Variants in KIAA0040 observed in about 807,000 individuals in gnomAD.
KIAA0040 encodes KIAA0040, also known as uncharacterized protein KIAA0040.
Under a neutral mutation model 7.2 loss-of-function variants are expected in KIAA0040, and 10 were observed. That is an observed-to-expected ratio of 1.38 (90% CI 0.85 to 2.34). KIAA0040 has a LOEUF of 2.34. Ranked by LOEUF, KIAA0040 falls within the 30% of genes most tolerant of loss-of-function variation. The probability of loss-of-function intolerance (pLI) is 0.00; values close to 1 mark genes in which losing one functional copy is unlikely to be tolerated. For synonymous variants in KIAA0040, 49 were observed against 40.1 expected, an observed-to-expected ratio of 1.22 and a Z score of -0.84; for missense variants, 89 against 108.2, an observed-to-expected ratio of 0.82 and a Z score of 0.79.
Position 175,160,504 on chromosome 1 carries a change from A to G in KIAA0040, c.*210T>C, listed in dbSNP as rs1676485309. On this transcript the variant is annotated 3_prime_UTR_variant, in exon 4 of 4. Transcript: ENST00000423313. ...GCAGTAAGGAGCATTGCTATTGGAC[A>G]CATAGCTGCCAAGACAGTATCCAAG... 1 of 572,882 alleles carries G rather than the reference A, an allele frequency of 1.7e-6. No individual in the cohort carries two copies. Among genetic ancestry groups the G allele is most frequent in the Non-Finnish European group, 3.1e-6 (1 of 324,338 alleles). The allele number at this position is 572,882 out of a possible 1,614,324, so 35.5% of individuals were successfully genotyped here. A position where few individuals can be genotyped will look rare whatever the true frequency, so the allele number is the denominator to read the frequency against.
At chr1:175,192,452 T>A (rs542508047) in intron 1 of KIAA0040, among the ~76,000 whole-genome samples, 188 bp downstream of exon 1, 1 of 152,070 alleles carries the variant, frequency 6.6e-6, no homozygotes, top group Non-Finnish European at 1.5e-5. Context: ...CTGAGAGTCC[T>A]CGCGAAGGAG....
intron 3 of KIAA0040, among the ~76,000 whole-genome samples, chr1:175,162,458 C>A (rs1676585663): frequency 6.6e-6 from 1 of 151,948 alleles, no homozygotes; most frequent in Non-Finnish European, 1.5e-5. Context: ...CCGCAGGCTG[C>A]CAGGCAAGCA....
intron 1 of KIAA0040, among the ~76,000 whole-genome samples, chr1:175,183,567 G>A (rs1677530882): frequency 6.6e-6 from 1 of 152,210 alleles, no homozygotes; most frequent in African/African-American, 2.4e-5. Context: ...GCCTTGCAAT[G>A]GGCTGAGCTT....
chr1:175,161,972 A>C (rs1237651328), intron 3 of KIAA0040, among the ~76,000 whole-genome samples: 1 of 151,998 alleles, frequency 6.6e-6, no homozygotes, highest in Non-Finnish European at 1.5e-5. Flanking sequence ...CAGGCTGCTT[A>C]GTGATGGTGC....
intron 3 of KIAA0040, among the ~76,000 whole-genome samples, chr1:175,164,154 CAGG>C (rs1676661775): frequency 6.6e-6 from 1 of 152,156 alleles, no homozygotes; most frequent in Non-Finnish European, 1.5e-5. Context: ...GGCTTTACAA[CAGG>C]AGAATGTTGT....
At chr1:175,177,277 T>C (rs1445268460) in intron 2 of KIAA0040, among the ~76,000 whole-genome samples, 3 of 152,158 alleles carry the variant, frequency 2.0e-5, no homozygotes, top group African/African-American at 4.8e-5. Context: ...CTTGAAGAAA[T>C]AACACATTAG....
intron 1 of KIAA0040, among the ~76,000 whole-genome samples, chr1:175,190,294 A>T (rs1347791270): frequency 2.0e-5 from 3 of 152,246 alleles, no homozygotes; most frequent in Non-Finnish European, 4.4e-5. Flanking sequence ...TCAACATATG[A>T]TATGAAAATA....
At chr1:175,192,480 A>T (rs1677900669) in intron 1 of KIAA0040, among the ~76,000 whole-genome samples, 160 bp downstream of exon 1, 2 of 152,164 alleles carry the variant, frequency 1.3e-5, no homozygotes, top group South Asian at 4.1e-4. Flanking sequence ...CACCAGAACT[A>T]AAGTTGTGAA....
At chr1:175,168,494 A>G (rs1485221188) in intron 2 of KIAA0040, among the ~76,000 whole-genome samples, 1 of 152,184 alleles carries the variant, frequency 6.6e-6, no homozygotes. Flanking sequence ...TGCAATTTTG[A>G]ACAAAAGCAC....
intron 2 of KIAA0040, among the ~76,000 whole-genome samples, chr1:175,170,815 G>C (rs907192859): frequency 1.3e-5 from 2 of 151,684 alleles, no homozygotes; most frequent in African/African-American, 4.9e-5. Flanking sequence ...CTCCCCACCA[G>C]AGCCAGATCA....
intron 3 of KIAA0040, among the ~76,000 whole-genome samples, chr1:175,163,785 C>G (rs1055688378): frequency 6.6e-6 from 1 of 152,170 alleles, no homozygotes; most frequent in Non-Finnish European, 1.5e-5. Flanking sequence ...CAAATGTTCA[C>G]CAACTATTTT....
chr1:175,191,638 C>T (rs1230836016), intron 1 of KIAA0040, among the ~76,000 whole-genome samples: 2 of 152,216 alleles, frequency 1.3e-5, no homozygotes, highest in African/African-American at 2.4e-5. Context: ...GAACAGGTTG[C>T]ATCAATGCTA....
Position 175,160,876 on chromosome 1 carries a change from G to A in KIAA0040, c.138C>T (p.Ile46=), listed in dbSNP as rs1160395184. 1 of 1,551,620 alleles carries A rather than the reference G, an allele frequency of 6.4e-7. No individual in the cohort carries two copies. The highest frequency in any genetic ancestry group is 8.7e-7 in the Non-Finnish European group (1 of 1,146,980). ...PLLVIITLLF[I]CCHCCWSPPG... is the part of the protein sequence containing the mutation. ...GTGGGCTCCAGCAGCAATGGCAACA[G>A]ATGAAGAGGAGTGTGATGATCACCA... Residue 46 remains isoleucine (I), a synonymous_variant, in exon 4 of 4, where the codon ATC becomes ATT. Transcript: ENST00000423313.
At chr1:175,186,446 A>G (rs1203909318) in intron 1 of KIAA0040, among the ~76,000 whole-genome samples, 1 of 152,204 alleles carries the variant, frequency 6.6e-6, no homozygotes, top group Non-Finnish European at 1.5e-5. Flanking sequence ...TATTTTATAA[A>G]CCACCAAAAT....
At chr1:175,170,604 G>C (rs989685522) in intron 2 of KIAA0040, among the ~76,000 whole-genome samples, 1 of 151,974 alleles carries the variant, frequency 6.6e-6, no homozygotes, top group African/African-American at 2.4e-5. Context: ...TTCAACACTC[G>C]GACTAAGCTT....
In KIAA0040 at chr1:175,182,413, G is replaced by A. The variant is rs151033975; in HGVS notation, c.-383-4729C>T. On this transcript the variant is annotated intron_variant, in intron 1 of 3. Coordinates refer to ENST00000423313, the MANE Select transcript of KIAA0040 (RefSeq NM_014656.3). ...CCAAAGCCAGTTCCACCTGGCTCAC[G>A]TTCAAAGGGATCCCTCTTTCCCTGC... 1.2e-3 allele frequency among the ~76,000 whole-genome samples: 188 copies of A among 152,194 alleles called. 2 individuals are homozygous for A. The highest frequency in any genetic ancestry group is 4.2e-3 in the African/African-American group (176 of 41,526).
At chr1:175,167,616 G>A (rs1246230015) in intron 2 of KIAA0040, among the ~76,000 whole-genome samples, 1 of 152,164 alleles carries the variant, frequency 6.6e-6, no homozygotes, top group African/African-American at 2.4e-5. Flanking sequence ...ATTTCATAAA[G>A]AACACTCTCT....
intron 1 of KIAA0040, among the ~76,000 whole-genome samples, chr1:175,189,088 G>A (rs1176015116): frequency 1.3e-5 from 2 of 152,100 alleles, no homozygotes; most frequent in East Asian, 1.9e-4. Context: ...GGCTCTTCTC[G>A]GAAGTGTTTT....
At chr1:175,176,813 C>T (rs2101896915) in intron 2 of KIAA0040, among the ~76,000 whole-genome samples, 1 of 150,976 alleles carries the variant, frequency 6.6e-6, no homozygotes, top group East Asian at 2.0e-4. Flanking sequence ...GTCATCTCTT[C>T]CCTGATGCCC....
Sources: gnomAD v4.1 joint callset for allele counts (sites outside exome capture counted in the v4.1 genomes callset) on GRCh38, gnomAD v4.1.1 for gene constraint, MANE v1.5 for transcripts, NCBI Gene and HGNC (gene_info 2026-07-23, HGNC 2026-07-21) for gene names.